Variants in SMAD2 observed in about 807,000 individuals in gnomAD.
SMAD2 encodes the protein SMAD family member 2, also known as MAD homolog 2.
Under a neutral mutation model 64.4 loss-of-function variants are expected in SMAD2, and 8 were observed. That is an observed-to-expected ratio of 0.12 (90% CI 0.07 to 0.22). The LOEUF (loss-of-function observed/expected upper bound fraction) is 0.22. SMAD2 is among the 10% of genes least tolerant of loss of function. SMAD2 has a pLI of 1.00. For missense variants in SMAD2, 289 were observed against 561.2 expected, an observed-to-expected ratio of 0.51 and a Z score of 4.90; for synonymous variants, 203 against 195.8, an observed-to-expected ratio of 1.04 and a Z score of -0.31.
chr18:47,906,081 C>T (rs1226629981), intron 1 of SMAD2, among the ~76,000 whole-genome samples: 1 of 151,550 alleles, frequency 6.6e-6, no homozygotes, highest in African/African-American at 2.4e-5. Context: ...CTCCATTGCA[C>T]TCCAGGCTGA....
rs117274061 is a variant in SMAD2 at position 47,846,588 on chromosome 18, G to A, written c.998-788C>T. ...AGGCTAAGTGATTCAAAGCATGAAA[G>A]GTATTCAACACAAGAGACATTCTCC... On this transcript the variant is annotated intron_variant, in intron 8 of 10. Coordinates refer to ENST00000262160, the MANE Select transcript of SMAD2 (RefSeq NM_005901.6). Among the ~76,000 whole-genome samples the A allele has an allele frequency of 3.5e-3, 529 of 152,218 alleles. 12 individuals are homozygous for A. Among genetic ancestry groups the A allele is most frequent in the Non-Finnish European group, 3.9e-3 (266 of 68,014 alleles).
In SMAD2 at chr18:47,845,709, A is replaced by G; in HGVS notation, c.1089T>C (p.Asn363=). 6.2e-7 allele frequency: 1 copy of G among 1,613,944 alleles called. No individual in the cohort carries two copies. Among genetic ancestry groups the G allele is most frequent in the Non-Finnish European group, 8.5e-7 (1 of 1,179,874 alleles). The change falls in exon 9 of 11, where the codon AAT becomes AAC. Residue 363 remains asparagine, a synonymous_variant. Transcript: ENST00000262160. The part of the protein sequence containing the change: ...SAIFVQSPNC[N]QRYGWHPATV... ...TTGCAGGGTGCCAGCCATATCTCTG[A>G]TTACAATTGGGGCTCTGCACAAAGA...
In SMAD2 at chr18:47,810,624, C is replaced by T. The variant is rs1205950987; in HGVS notation, c.*31203G>A. On this transcript the variant is annotated 3_prime_UTR_variant, in exon 11 of 11. Coordinates refer to ENST00000262160, the MANE Select transcript of SMAD2 (RefSeq NM_005901.6). ...GTGCTTAAAAAGACTGATTGACCAA[C>T]TAACATTTGACTTGGAAATATAAAT... is the stretch of plus-strand genomic sequence containing the variant. The T allele has an allele frequency of 6.6e-6, 1 of 152,130 alleles. No homozygotes were observed. The highest frequency in any genetic ancestry group is 1.5e-5 in the Non-Finnish European group (1 of 68,014). 9.4% of individuals were successfully genotyped at this position (152,130 alleles called of 1,614,324 possible). A position where few individuals can be genotyped will look rare whatever the true frequency, so the allele number is the denominator to read the frequency against.
intron 6 of SMAD2, 105 bp downstream of exon 6, chr18:47,864,954 C>A (rs907367732): frequency 2.8e-6 from 2 of 718,572 alleles, no homozygotes; most frequent in African/African-American, 3.5e-5. Context: ...TTTTGGTATG[C>A]GTCTCAACTT....
intron 1 of SMAD2, among the ~76,000 whole-genome samples, chr18:47,916,533 T>C (rs2034343512): frequency 6.6e-6 from 1 of 151,988 alleles, no homozygotes; most frequent in Non-Finnish European, 1.5e-5. Context: ...GCCACCTGAT[T>C]AGCTGGGATT....
At chr18:47,859,307 T>A in intron 6 of SMAD2, among the ~76,000 whole-genome samples, 1 of 152,046 alleles carries the variant, frequency 6.6e-6, no homozygotes, top group African/African-American at 2.4e-5. Context: ...CATAAAGAAT[T>A]AAGAAGATGT....
intron 2 of SMAD2, among the ~76,000 whole-genome samples, chr18:47,894,821 A>AT (rs2033362828): frequency 6.6e-6 from 1 of 152,232 alleles, no homozygotes; most frequent in Admixed American, 6.5e-5. Context: ...CATAGTGGGC[A>AT]TATGATAAAT....
At chr18:47,870,101 TATTAG>T (rs989407464) in intron 3 of SMAD2, among the ~76,000 whole-genome samples, 1 of 151,794 alleles carries the variant, frequency 6.6e-6, no homozygotes. Flanking sequence ...AGTATGTATT[TATTAG>T]TATAAAGATG....
In SMAD2 at chr18:47,840,358, T is replaced by C. The variant is rs572690127; in HGVS notation, c.*1469A>G. On this transcript the variant is annotated 3_prime_UTR_variant, in exon 11 of 11. Transcript: ENST00000262160. ...ATGTTTAAACTGCAATGAGTCAACA[T>C]CAGACATAATAATTATTTGCTGCAG... 4 of 232,872 alleles carry C rather than the reference T, an allele frequency of 1.7e-5. No homozygotes were observed. The East Asian group carries it at 2.4e-4, about 14-fold the overall frequency. The allele number at this position is 232,872 out of a possible 1,614,324, so 14.4% of individuals were successfully genotyped here. A position where few individuals can be genotyped will look rare whatever the true frequency, so the allele number is the denominator to read the frequency against.
In SMAD2 at chr18:47,818,639, C is replaced by A. The variant is rs577320489; in HGVS notation, c.*23188G>T. 34 of 152,308 alleles carry A rather than the reference C, an allele frequency of 2.2e-4. No individual in the cohort carries two copies. The highest frequency in any genetic ancestry group is 4.6e-4 in the Non-Finnish European group (31 of 68,020). The allele number at this position is 152,308 out of a possible 1,614,324, so 9.4% of individuals were successfully genotyped here. On this transcript the variant is annotated 3_prime_UTR_variant, in exon 11 of 11. Transcript: ENST00000262160. The stretch of plus-strand genomic sequence containing the variant: ...AAGATTTGTTACTAAAAATTCAAGG[C>A]CACCTGGAGATTGTTTTTTCTTATA...
chr18:47,929,217 T>A (rs1300342932), intron 1 of SMAD2, among the ~76,000 whole-genome samples: 2 of 152,246 alleles, frequency 1.3e-5, no homozygotes, highest in Non-Finnish European at 2.9e-5. Flanking sequence ...TTTAACTATT[T>A]GACTAACTTC....
At chr18:47,888,550 G>A (rs9955626) in intron 2 of SMAD2, among the ~76,000 whole-genome samples, 77,571 of 151,972 alleles carry the variant, frequency 0.51, 20,688 homozygotes, top group East Asian at 0.81. Flanking sequence ...AGTCTAACAA[G>A]CTTTCAATCA....
chr18:47,865,210 C>T, intron 5 of SMAD2, 77 bp from the exon 6 acceptor site: 1 of 770,686 alleles, frequency 1.3e-6, no homozygotes, highest in Non-Finnish European at 2.4e-6. Flanking sequence ...CAGAGATAAC[C>T]AATGAATCAC....
intron 1 of SMAD2, among the ~76,000 whole-genome samples, chr18:47,927,067 C>T (rs1287289214): frequency 1.3e-5 from 2 of 152,198 alleles, no homozygotes; most frequent in Non-Finnish European, 2.9e-5. Context: ...CTCGGTTTAA[C>T]TAACTTTTTA....
chr18:47,904,247 G>A (rs1358327196), intron 1 of SMAD2, among the ~76,000 whole-genome samples: 3 of 148,926 alleles, frequency 2.0e-5, no homozygotes, highest in Non-Finnish European at 4.4e-5. Flanking sequence ...GTGGCATCTC[G>A]TATGAAGCAA....
intron 1 of SMAD2, among the ~76,000 whole-genome samples, chr18:47,897,785 G>T (rs752815965): frequency 2.4e-4 from 37 of 152,072 alleles, no homozygotes; most frequent in Non-Finnish European, 4.9e-4. Context: ...TTTAATTGGG[G>T]TTTAAAAATT....
intron 5 of SMAD2, 149 bp from the exon 6 acceptor site, chr18:47,865,282 G>A: frequency 1.7e-6 from 1 of 582,070 alleles, no homozygotes; most frequent in Non-Finnish European, 3.0e-6. Flanking sequence ...TACTGAGGGT[G>A]TATAATTCAG....
chr18:47,881,312 TTGTG>T (rs755269095), intron 2 of SMAD2, among the ~76,000 whole-genome samples: 1 of 152,084 alleles, frequency 6.6e-6, no homozygotes. Context: ...GCAGAGGTCA[TTGTG>T]TGTGTGTGTT....
rs1913413991 is a variant in SMAD2 at position 47,836,366 on chromosome 18, G to A, written c.*5461C>T. 4.5e-6 allele frequency: 1 copy of A among 221,926 alleles called. No homozygotes were observed. The highest frequency in any genetic ancestry group is 9.0e-6 in the Non-Finnish European group (1 of 111,012). The allele number at this position is 221,926 out of a possible 1,614,324, so 13.7% of individuals were successfully genotyped here. A position where few individuals can be genotyped will look rare whatever the true frequency, so the allele number is the denominator to read the frequency against. Reference sequence around the variant, plus strand: ...ATTTAGTAACGGGGTATATGGCAGAGCTTTCTTTGATGTTAACAAATTTTG... The same window carrying A: ...ATTTAGTAACGGGGTATATGGCAGAACTTTCTTTGATGTTAACAAATTTTG... On this transcript the variant is annotated 3_prime_UTR_variant, in exon 11 of 11. Coordinates refer to ENST00000262160, the MANE Select transcript of SMAD2 (RefSeq NM_005901.6).
Sources: allele counts gnomAD v4.1 joint callset (sites outside exome capture counted in the v4.1 genomes callset), GRCh38; gene constraint gnomAD v4.1.1; transcripts MANE v1.5; gene names NCBI Gene and HGNC (gene_info 2026-07-23, HGNC 2026-07-21).